RHOBTB2: variants seen among roughly 807,000 people sequenced by gnomAD.
The protein encoded by RHOBTB2 is rho-related BTB domain-containing protein 2.
RHOBTB2 carries 39 observed loss-of-function variants against 66.5 expected under a neutral mutation model. The observed-to-expected ratio is 0.59, with a 90% CI of 0.45 to 0.77. RHOBTB2 has a LOEUF of 0.77. Among genes scored for constraint, RHOBTB2 ranks in the 30% least tolerant of loss-of-function variants. The pLI is 0.00. For synonymous variants in RHOBTB2, 390 were observed against 395.0 expected (o/e 0.99, Z 0.15); for missense variants, 755 against 999.1 (o/e 0.76, Z 3.29).
rs1811122057 is a variant in RHOBTB2, at chr8:23,010,759, C to T, written c.1771+71C>T. On this transcript the variant is annotated intron_variant, in intron 7 of 9. Transcript: ENST00000251822. ...GGAAACCCCAAGGTGCAATGTTCTC[C>T]TCTCACGTCTCTCCTGGGGGACAAG... 6 of 1,499,668 alleles carry T rather than the reference C, an allele frequency of 4.0e-6. No individual in the cohort carries two copies. In the Admixed American group the frequency reaches 1.0e-4, roughly 26 times the overall value. 92.9% of individuals were successfully genotyped at this position (1,499,668 alleles called of 1,614,324 possible). A position where few individuals can be genotyped will look rare whatever the true frequency, so the allele number is the denominator to read the frequency against.
At chr8:23,012,394 C>A (rs1035231790) in intron 7 of RHOBTB2, among the ~76,000 whole-genome samples, 1 of 152,172 alleles carries the variant, frequency 6.6e-6, no homozygotes. Context: ...AGTAACTTTT[C>A]ATGAAATTAT....
At chr8:23,014,509 C>T (rs543961822) in intron 7 of RHOBTB2, among the ~76,000 whole-genome samples, 181 bp from the exon 8 acceptor site, 3 of 152,340 alleles carry the variant, frequency 2.0e-5, no homozygotes, top group East Asian at 1.9e-4. Context: ...TGAGCTCTTG[C>T]TGTCATCCCT....
At position 23,014,911 on chromosome 8, in the gene RHOBTB2, C is replaced by T. The variant is rs570354905; in HGVS notation, c.1860+133C>T. The T allele has an allele frequency of 5.1e-4, 366 of 712,090 alleles. 4 individuals carry two copies. In the Admixed American group the frequency reaches 7.2e-3, roughly 14 times the overall value. 44.1% of individuals were successfully genotyped at this position (712,090 alleles called of 1,614,324 possible). On this transcript the variant is annotated intron_variant, in intron 8 of 9. Transcript: ENST00000251822. ...CATCGGACTGGGCTCTTTGACTGCG[C>T]GTAGCCCATCTCCTCCTCCATGCCA...
At chr8:22,986,954 T>A (rs762619715), upstream of RHOBTB2, among the ~76,000 whole-genome samples, 1 of 152,232 alleles carries the variant, frequency 6.6e-6, no homozygotes. Context: ...CCTCCTCCCA[T>A]CAACCAGCAA....
At chr8:22,990,099 A>C (rs1293199652) in intron 1 of RHOBTB2, among the ~76,000 whole-genome samples, 1 of 152,244 alleles carries the variant, frequency 6.6e-6, no homozygotes, top group Non-Finnish European at 1.5e-5. Flanking sequence ...CTCCTTGATG[A>C]CATGATAGCA....
chr8:22,988,253 G>A (rs999666512), intron 1 of RHOBTB2, among the ~76,000 whole-genome samples: 17 of 140,728 alleles, frequency 1.2e-4, no homozygotes, highest in African/African-American at 2.6e-4. Context: ...TCCGCCTCCC[G>A]AATTCAAGTG....
chr8:23,011,267 CA>C (rs1563294609), intron 7 of RHOBTB2, among the ~76,000 whole-genome samples: 1 of 152,078 alleles, frequency 6.6e-6, no homozygotes, highest in East Asian at 1.9e-4. Context: ...AACAAACAAA[CA>C]AAAAATGGAA....
At chr8:23,008,251 G>T in intron 6 of RHOBTB2, 140 bp downstream of exon 6, 1 of 641,698 alleles carries the variant, frequency 1.6e-6, no homozygotes, top group Admixed American at 2.8e-5. Flanking sequence ...GGTTTATGAG[G>T]TGGTTCTTGG....
chr8:22,999,756 C>G lies in RHOBTB2; in HGVS notation c.-360C>G. On this transcript the variant is annotated 5_prime_UTR_variant, in exon 1 of 10. Coordinates refer to ENST00000251822, the MANE Select transcript of RHOBTB2 (RefSeq NM_015178.3). The stretch of plus-strand genomic sequence containing the variant: ...GGCGCGTAGCGGCGGCGGCCTCGCC[C>G]CTCTCCCGGCGCCCCTGCGCGCCGC... 1 of 1,008,862 alleles carries G rather than the reference C, an allele frequency of 9.9e-7. No homozygotes were observed. The highest frequency in any genetic ancestry group is 3.7e-5 in the South Asian group (1 of 27,158). The allele number at this position is 1,008,862 out of a possible 1,614,324, so 62.5% of individuals were successfully genotyped here. A position where few individuals can be genotyped will look rare whatever the true frequency, so the allele number is the denominator to read the frequency against.
At chr8:23,012,749 C>T (rs1811183307) in intron 7 of RHOBTB2, among the ~76,000 whole-genome samples, 2 of 152,036 alleles carry the variant, frequency 1.3e-5, no homozygotes, top group South Asian at 2.1e-4. Flanking sequence ...TTCCCAAGTA[C>T]CTTGGACTAT....
At chr8:22,955,863 C>T in the RHOBTB2 span, among the ~76,000 whole-genome samples, 1 of 152,122 alleles carries the variant, frequency 6.6e-6, no homozygotes, top group Non-Finnish European at 1.5e-5. Context: ...AGCCACTGTA[C>T]CCAGACACTC....
chr8:22,989,061 C>A (rs936931797), intron 1 of RHOBTB2, among the ~76,000 whole-genome samples: 1 of 152,234 alleles, frequency 6.6e-6, no homozygotes, highest in Non-Finnish European at 1.5e-5. Context: ...TAAGACCTGT[C>A]AGTTCCTCTG....
chr8:22,970,014 A>G, the RHOBTB2 span, among the ~76,000 whole-genome samples: 1 of 152,258 alleles, frequency 6.6e-6, no homozygotes, highest in Non-Finnish European at 1.5e-5. Context: ...AGCCTACTGT[A>G]CCTGGCCAAA....
chr8:22,952,968 G>C, the RHOBTB2 span, among the ~76,000 whole-genome samples: 1 of 152,082 alleles, frequency 6.6e-6, no homozygotes, highest in East Asian at 1.9e-4. Flanking sequence ...GCACCAAGTG[G>C]GCTACTTGAG....
the RHOBTB2 span, among the ~76,000 whole-genome samples, chr8:22,973,745 T>C: frequency 6.6e-6 from 1 of 152,272 alleles, no homozygotes; most frequent in African/African-American, 2.4e-5. Context: ...GATGGAAATG[T>C]CAGAGGCAGA....
chr8:23,000,856 G>A (rs1348529952), intron 1 of RHOBTB2, among the ~76,000 whole-genome samples: 1 of 152,070 alleles, frequency 6.6e-6, no homozygotes, highest in Non-Finnish European at 1.5e-5. Flanking sequence ...TGGGATACTG[G>A]TTGCTAGGAG....
the RHOBTB2 span, among the ~76,000 whole-genome samples, chr8:22,966,689 A>G: frequency 6.6e-6 from 1 of 152,210 alleles, no homozygotes; most frequent in East Asian, 1.9e-4. Flanking sequence ...ATCATTAAGG[A>G]AATGCAAATG....
the RHOBTB2 span, among the ~76,000 whole-genome samples, chr8:22,956,087 A>T: frequency 1.3e-5 from 2 of 152,318 alleles, no homozygotes; most frequent in Admixed American, 1.3e-4. Context: ...AATTGATTCC[A>T]TACTTTCAGA....
At chr8:23,005,317 G>A (rs111802722) in intron 2 of RHOBTB2, 55 bp from the exon 3 acceptor site, 33 of 1,343,566 alleles carry the variant, frequency 2.5e-5, no homozygotes, top group East Asian at 4.6e-5. Context: ...GAGGTGGCAC[G>A]CAGAGGTCCC....
Sources: gnomAD v4.1 joint callset for allele counts (sites outside exome capture counted in the v4.1 genomes callset) on GRCh38, gnomAD v4.1.1 for gene constraint, MANE v1.5 for transcripts, NCBI Gene and HGNC (gene_info 2026-07-23, HGNC 2026-07-21) for gene names.